The following SPG11 variants were observed in gnomAD, a reference collection of about 807,000 sequenced individuals.
SPG11 encodes SPG11 vesicle trafficking associated, spatacsin.
Under a neutral mutation model 274.0 loss-of-function variants are expected in SPG11, and 222 were observed. That is an observed-to-expected ratio of 0.81 (90% CI 0.73 to 0.91). SPG11 has a LOEUF of 0.91. Ranked by LOEUF, SPG11 falls within the 40% of genes least tolerant of loss-of-function variation. The probability of loss-of-function intolerance (pLI) is 0.00; values close to 1 mark genes in which losing one functional copy is unlikely to be tolerated. For synonymous variants in SPG11, 1,144 were observed against 1,039.7 expected (o/e 1.10, Z -1.93); for missense variants, 3,114 against 2,872.7 (o/e 1.08, Z -1.92).
At position 44,564,609 on chromosome 15, in the gene SPG11, G is replaced by C. The variant is rs2082272118; in HGVS notation, c.7089C>G (p.Tyr2363Ter). Reference protein sequence around the residue: ...QQVILKGDFNYLEEFKQQRLL... With the variant: ...QQVILKGDFN ...ACCTTTGCTGCTTAAATTCTTCCAAGTAATTAAAGTCTCCTTTAAGAATCA... is the reference window on the plus strand; with the variant it reads ...ACCTTTGCTGCTTAAATTCTTCCAACTAATTAAAGTCTCCTTTAAGAATCA... Residue 2363 changes from tyrosine to a stop codon, truncating the protein, a stop_gained, in exon 39 of 40, where the codon TAC becomes TAG. Coordinates refer to ENST00000261866, the MANE Select transcript of SPG11 (RefSeq NM_025137.4). LOFTEE classifies it high-confidence loss of function. 3.1e-6 allele frequency: 5 copies of C among 1,613,738 alleles called. No individual in the cohort carries two copies. Among genetic ancestry groups the C allele is most frequent in the Non-Finnish European group, 4.2e-6 (5 of 1,179,694 alleles).
At position 44,566,226 on chromosome 15, in the gene SPG11, ACT is replaced by A. The variant is rs312262784; in HGVS notation, c.6832_6833del (p.Ser2278LeufsTer61). ...AAAGCCTTTGGGTTACCTTGGCATA[ACT>A]CTCTGCTGCATCCAACATCAGAGTC... ...ALTLMLDAAE[S>X]YAKDSCVRQA... On this transcript the variant is annotated frameshift_variant, in exon 37 of 40. Transcript: ENST00000261866. LOFTEE classifies it high-confidence loss of function. 1.2e-5 allele frequency: 20 copies of A among 1,614,046 alleles called. No individual in the cohort carries two copies. Among genetic ancestry groups the A allele is most frequent in the East Asian group, 4.5e-5 (2 of 44,898 alleles).
intron 10 of SPG11, among the ~76,000 whole-genome samples, chr15:44,628,316 A>C (rs981968056): frequency 7.2e-5 from 11 of 152,246 alleles, no homozygotes; most frequent in Non-Finnish European, 1.2e-4. Flanking sequence ...CAGCAATTCA[A>C]TTTATCCAGT....
intron 33 of SPG11, 67 bp from the exon 34 acceptor site, chr15:44,570,725 G>C: frequency 1.3e-6 from 2 of 1,579,540 alleles, no homozygotes; most frequent in Non-Finnish European, 1.7e-6. Context: ...CCTCTGCCTG[G>C]CAGGAGGGAA....
chr15:44,602,771 C>T (rs963988328), intron 20 of SPG11, among the ~76,000 whole-genome samples: 1 of 152,048 alleles, frequency 6.6e-6, no homozygotes, highest in African/African-American at 2.4e-5. Context: ...CATGAGTCAC[C>T]ATGCCTGGCC....
Position 44,573,618 on chromosome 15 carries a change from T to C in SPG11, c.6134A>G (p.Lys2045Arg), listed in dbSNP as rs1014331064. ...CACGAGTTCAGCCACAGTATCTGGC[T>C]TAAGGCCCTGTGTGCTGATGAAGGC... ...AQAFISTQGL[K>R]PDTVAELVAE... The change falls in exon 32 of 40, where the codon AAG becomes AGG. Residue 2045 changes from lysine to arginine, a missense_variant. Coordinates refer to ENST00000261866, the MANE Select transcript of SPG11 (RefSeq NM_025137.4). The C allele has an allele frequency of 1.2e-6, 2 of 1,614,078 alleles. No individual in the cohort carries two copies. The highest frequency in any genetic ancestry group is 1.1e-5 in the South Asian group (1 of 91,092).
Position 44,563,876 on chromosome 15 carries a change from G to C in SPG11, c.7152-575C>G, listed in dbSNP as rs79351344. On this transcript the variant is annotated intron_variant, in intron 39 of 39. Transcript: ENST00000261866. Reference sequence around the variant, plus strand: ...TAGAGGAGAGGGTGCTGGAGTCTGGGTTATCTCAGACTAGTATTAGGGGTG... The same window carrying C: ...TAGAGGAGAGGGTGCTGGAGTCTGGCTTATCTCAGACTAGTATTAGGGGTG... Among the ~76,000 whole-genome samples, 345 of 152,298 alleles carry C rather than the reference G, an allele frequency of 2.3e-3. 2 individuals are homozygous for C. The highest frequency in any genetic ancestry group is 3.4e-3 in the Non-Finnish European group (233 of 68,018).
intron 7 of SPG11, among the ~76,000 whole-genome samples, chr15:44,638,745 C>A (rs1195113560): frequency 6.6e-6 from 1 of 152,118 alleles, no homozygotes; most frequent in Non-Finnish European, 1.5e-5. Flanking sequence ...CCTGTAATCC[C>A]GGCACTTTGG....
In SPG11 at chr15:44,660,442, A is replaced by T; in HGVS notation, c.432T>A (p.Asp144Glu). 1 of 1,613,676 alleles carries T rather than the reference A, an allele frequency of 6.2e-7. No individual in the cohort carries two copies. The highest frequency in any genetic ancestry group is 8.5e-7 in the Non-Finnish European group (1 of 1,179,818). Reference sequence around the variant, plus strand: ...CCTGTAGATACTTACTGATATCTTGATCGTCAATGAGCTTTTGCAATGCCT... The same window carrying T: ...CCTGTAGATACTTACTGATATCTTGTTCGTCAATGAGCTTTTGCAATGCCT... ...SREALQKLID[D>E]QDISISLLSL... is the part of the protein sequence containing the mutation. Residue 144 changes from aspartate to glutamate, a missense_variant, in exon 2 of 40, where the codon GAT becomes GAA. Coordinates refer to ENST00000261866, the MANE Select transcript of SPG11 (RefSeq NM_025137.4).
chr15:44,616,225 T>G (rs900103551), intron 15 of SPG11, among the ~76,000 whole-genome samples: 8 of 150,374 alleles, frequency 5.3e-5, no homozygotes, highest in African/African-American at 2.0e-4. Context: ...TTTTTTTTTT[T>G]GGCAGGGTCT....
intron 11 of SPG11, among the ~76,000 whole-genome samples, chr15:44,624,877 G>A (rs1000178176): frequency 2.6e-5 from 4 of 152,082 alleles, no homozygotes; most frequent in African/African-American, 7.2e-5. Flanking sequence ...GCTCACGCCT[G>A]TAATCCCAGC....
chr15:44,596,497 C>T, intron 24 of SPG11, 142 bp from the exon 25 acceptor site: 1 of 1,030,122 alleles, frequency 9.7e-7, no homozygotes, highest in Admixed American at 2.1e-5. Context: ...TTTTACAAAG[C>T]TGTATGGTGC....
At chr15:44,597,088 G>C (rs2083063144) in intron 23 of SPG11, 145 bp from the exon 24 acceptor site, 1 of 724,848 alleles carries the variant, frequency 1.4e-6, no homozygotes, top group Non-Finnish European at 2.2e-6. Flanking sequence ...TATTTATTAG[G>C]CTACTTTGAA....
rs1377550889 is a variant in SPG11 at position 44,575,008 on chromosome 15, A to T, written c.5900T>A (p.Val1967Glu). ...SSLDSQKFVT[V>E]PSSNEVVTNL... is the part of the protein sequence containing the mutation. ...AGTTACCACTTCATTACTGGAGGGC[A>T]CTGTCACAAACTTCTGACTATCCAG... is the stretch of plus-strand genomic sequence containing the variant. The change falls in exon 31 of 40, where the codon GTG becomes GAG. Residue 1967 changes from valine to glutamate, a missense_variant. Transcript: ENST00000261866. The T allele has an allele frequency of 1.9e-6, 3 of 1,614,096 alleles. No homozygotes were observed. Among genetic ancestry groups the T allele is most frequent in the Non-Finnish European group, 2.5e-6 (3 of 1,180,024 alleles).
chr15:44,575,146 C>T (rs973496005), intron 30 of SPG11, 105 bp from the exon 31 acceptor site: 2 of 1,402,034 alleles, frequency 1.4e-6, no homozygotes, highest in African/African-American at 1.4e-5. Flanking sequence ...GCACTGCACT[C>T]CCATTACTCT....
Position 44,596,788 on chromosome 15 carries a change from G to C in SPG11, c.4157C>G (p.Ala1386Gly). 1 of 1,612,970 alleles carries C rather than the reference G, an allele frequency of 6.2e-7. No homozygotes were observed. The highest frequency in any genetic ancestry group is 8.5e-7 in the Non-Finnish European group (1 of 1,179,768). The change falls in exon 24 of 40, where the codon GCA becomes GGA. Residue 1386 changes from alanine (A) to glycine (G), a missense_variant. Coordinates refer to ENST00000261866, the MANE Select transcript of SPG11 (RefSeq NM_025137.4). ...TGCTAACAATTAGTGGCTTACCTCT[G>C]CTGGGTGGTAGTTGTGGAGTTGGCT... ...IHSQLHNYHP[A>G]EVKSLIQYFS...
intron 11 of SPG11, among the ~76,000 whole-genome samples, chr15:44,625,788 C>T (rs1391134157): frequency 1.3e-5 from 2 of 152,080 alleles, no homozygotes; most frequent in Non-Finnish European, 2.9e-5. Flanking sequence ...AAGCAATTTT[C>T]CCTGCCTCAG....
At chr15:44,658,635 AT>A (rs1231144907) in intron 3 of SPG11, among the ~76,000 whole-genome samples, 34 of 151,914 alleles carry the variant, frequency 2.2e-4, no homozygotes, top group African/African-American at 8.2e-4. Context: ...ATTTTTTTGT[AT>A]TTTTAGCAGA....
intron 10 of SPG11, among the ~76,000 whole-genome samples, 182 bp from the exon 11 acceptor site, chr15:44,626,689 G>A (rs2083909710): frequency 6.6e-6 from 1 of 152,132 alleles, no homozygotes; most frequent in African/African-American, 2.4e-5. Context: ...TACACTCCAG[G>A]AGCTAGTGGA....
At chr15:44,638,914 T>A (rs927155341) in intron 7 of SPG11, among the ~76,000 whole-genome samples, 1 of 151,816 alleles carries the variant, frequency 6.6e-6, no homozygotes, top group Non-Finnish European at 1.5e-5. Flanking sequence ...GAGAATCGCT[T>A]GAACCCGGGC....
Sources: gnomAD v4.1 joint callset for allele counts (sites outside exome capture counted in the v4.1 genomes callset) on GRCh38, gnomAD v4.1.1 for gene constraint, MANE v1.5 for transcripts, NCBI Gene and HGNC (gene_info 2026-07-23, HGNC 2026-07-21) for gene names.